The following PRDM16 variants were observed in gnomAD, a reference collection of about 807,000 sequenced individuals.
The protein encoded by PRDM16 is PR/SET domain 16.
A neutral mutation model predicts 110.6 loss-of-function variants in PRDM16; 23 were observed. That is an observed-to-expected ratio of 0.21 (90% CI 0.15 to 0.29). PRDM16 has a LOEUF of 0.29. Among genes scored for constraint, PRDM16 ranks in the 10% least tolerant of loss-of-function variants. The pLI is 1.00. For missense variants in PRDM16, 1,615 were observed against 1,794.3 expected (o/e 0.90, Z 1.81); for synonymous variants, 799 against 781.8 (o/e 1.02, Z -0.37).
intron 5 of PRDM16, among the ~76,000 whole-genome samples, chr1:3,401,753 GCAGA>G (rs1383549896): frequency 1.3e-5 from 2 of 152,188 alleles, no homozygotes; most frequent in African/African-American, 4.8e-5. Context: ...GCACACACAT[GCAGA>G]CAGAAACACG....
At chr1:3,298,030 A>G (rs573826565) in intron 3 of PRDM16, among the ~76,000 whole-genome samples, 1 of 144,508 alleles carries the variant, frequency 6.9e-6, no homozygotes, top group Admixed American at 6.8e-5. Flanking sequence ...CACGTCACCC[A>G]AGGTACACTA....
At chr1:3,198,436 C>T (rs894703247) in intron 2 of PRDM16, among the ~76,000 whole-genome samples, 11 of 152,240 alleles carry the variant, frequency 7.2e-5, no homozygotes, top group African/African-American at 2.4e-4. Flanking sequence ...CACTCAGCTG[C>T]CAGGATGCCG....
At position 3,213,671 on chromosome 1, in the gene PRDM16, A is replaced by C. The variant is rs1638954283; in HGVS notation, c.387+27197A>C. On this transcript the variant is annotated intron_variant, in intron 2 of 16. Coordinates refer to ENST00000270722, the MANE Select transcript of PRDM16 (RefSeq NM_022114.4). The surrounding 1 kb of genome is among the most constrained non-coding windows in gnomAD (Gnocchi z 5.3). ...CTCCAAGCTCCTCCTGTTCTTACCC[A>C]GCATTTCCCCAGGATTCCAGGAGAC... Among the ~76,000 whole-genome samples the C allele has an allele frequency of 6.6e-6, 1 of 152,082 alleles. No individual in the cohort carries two copies. Among genetic ancestry groups the C allele is most frequent in the South Asian group, 2.1e-4 (1 of 4,816 alleles).
intron 1 of PRDM16, among the ~76,000 whole-genome samples, chr1:3,139,406 C>A (rs1643502958): frequency 6.6e-6 from 1 of 152,222 alleles, no homozygotes; most frequent in African/African-American, 2.4e-5. Context: ...TGCCCCTTGG[C>A]CCCAGATTGA....
intron 1 of PRDM16, among the ~76,000 whole-genome samples, chr1:3,123,197 C>G (rs1557464298): frequency 6.6e-6 from 1 of 152,238 alleles, no homozygotes; most frequent in Non-Finnish European, 1.5e-5. Flanking sequence ...AAAGCCAAAC[C>G]CTTGCACAGG....
chr1:3,173,898 G>A (rs1644056878), intron 1 of PRDM16, among the ~76,000 whole-genome samples: 2 of 152,230 alleles, frequency 1.3e-5, no homozygotes, highest in African/African-American at 4.8e-5. Context: ...CCAGGAGCAC[G>A]TTACAGCCAG....
At chr1:3,387,422 C>G (rs1426194806) in intron 4 of PRDM16, among the ~76,000 whole-genome samples, 1 of 152,216 alleles carries the variant, frequency 6.6e-6, no homozygotes, top group Non-Finnish European at 1.5e-5. Flanking sequence ...AAATGCAACA[C>G]CAAAATGGCC....
intron 3 of PRDM16, among the ~76,000 whole-genome samples, chr1:3,344,783 G>A (rs1642331328): frequency 6.6e-6 from 1 of 152,214 alleles, no homozygotes; most frequent in Non-Finnish European, 1.5e-5. Context: ...TTTAGGATTA[G>A]TCTTTGTTCT....
chr1:3,221,129 T>C (rs556721520), intron 2 of PRDM16, among the ~76,000 whole-genome samples: 1 of 152,318 alleles, frequency 6.6e-6, no homozygotes, highest in Admixed American at 6.5e-5. Context: ...GCTTAGGGCC[T>C]TGGGACGTGT....
intron 1 of PRDM16, among the ~76,000 whole-genome samples, chr1:3,093,247 GC>G (rs1642317410): frequency 6.6e-6 from 1 of 152,174 alleles, no homozygotes; most frequent in African/African-American, 2.4e-5. Context: ...GCCCAGGCTA[GC>G]CCGATGTCAG....
chr1:3,412,606 G>A lies in PRDM16; in HGVS notation c.2409G>A (p.Leu803=). The change falls in exon 9 of 17, where the codon CTG becomes CTA. Residue 803 remains leucine, a synonymous_variant. Transcript: ENST00000270722. ...SAPASGEEQP[L]DLSIGSRARA... is the part of the protein sequence containing the mutation. ...CCGCATCCGGCGAGGAGCAGCCGCT[G>A]GACCTGAGCATCGGCAGCCGGGCCC... is the stretch of plus-strand genomic sequence containing the variant. 1.9e-6 allele frequency: 3 copies of A among 1,595,466 alleles called. No individual in the cohort carries two copies. The highest frequency in any genetic ancestry group is 2.6e-6 in the Non-Finnish European group (3 of 1,169,930).
intron 1 of PRDM16, among the ~76,000 whole-genome samples, chr1:3,095,441 G>A (rs1223460113): frequency 1.3e-5 from 2 of 152,176 alleles, no homozygotes; most frequent in African/African-American, 2.4e-5. Context: ...TGGGGTGGGG[G>A]GCACTCCTAA....
At chr1:3,406,835 C>A (rs1450202032) in intron 8 of PRDM16, among the ~76,000 whole-genome samples, 1 of 152,224 alleles carries the variant, frequency 6.6e-6, no homozygotes. Flanking sequence ...CCCTGATTCT[C>A]AGTGAAGTCA....
chr1:3,409,422 G>C (rs556260773), intron 8 of PRDM16, among the ~76,000 whole-genome samples: 1 of 152,214 alleles, frequency 6.6e-6, no homozygotes, highest in African/African-American at 2.4e-5. Flanking sequence ...CCTCAGCCTT[G>C]AAAACGCCCC....
intron 3 of PRDM16, among the ~76,000 whole-genome samples, chr1:3,287,259 G>T (rs370290829): frequency 6.6e-6 from 1 of 151,304 alleles, no homozygotes. Context: ...CATTTACCGG[G>T]GCTGGAGGCG....
intron 3 of PRDM16, among the ~76,000 whole-genome samples, chr1:3,346,890 G>A (rs891021252): frequency 3.9e-5 from 6 of 152,184 alleles, no homozygotes; most frequent in African/African-American, 9.7e-5. Flanking sequence ...ACTGTTCACC[G>A]GTGCTCTGCC....
At position 3,345,233 on chromosome 1, in the gene PRDM16, C is replaced by A. The variant is rs569833940; in HGVS notation, c.439-39919C>A. On this transcript the variant is annotated intron_variant, in intron 3 of 16. Coordinates refer to ENST00000270722, the MANE Select transcript of PRDM16 (RefSeq NM_022114.4). ...TTCAAGGGTTCAGTTCCTCCAGTTC[C>A]CACCTGCTTTTTGTTATTCTCTAGT... is the stretch of plus-strand genomic sequence containing the variant. 5.3e-5 allele frequency among the ~76,000 whole-genome samples: 8 copies of A among 152,298 alleles called. No individual in the cohort carries two copies. In the South Asian group the frequency reaches 1.7e-3, roughly 32 times the overall value.
intron 3 of PRDM16, among the ~76,000 whole-genome samples, chr1:3,279,348 G>A (rs959998867): frequency 1.3e-5 from 2 of 152,196 alleles, no homozygotes; most frequent in Non-Finnish European, 2.9e-5. Flanking sequence ...GATCTGAAAC[G>A]CAGAGAGGAA....
At chr1:3,092,554 C>T (rs910586052) in intron 1 of PRDM16, among the ~76,000 whole-genome samples, 1 of 152,244 alleles carries the variant, frequency 6.6e-6, no homozygotes, top group Non-Finnish European at 1.5e-5. Context: ...ATCCAGCACT[C>T]ACCATTTCTG....
Sources: gnomAD v4.1 joint callset for allele counts (sites outside exome capture counted in the v4.1 genomes callset) on GRCh38, gnomAD v4.1.1 for gene constraint, Gnocchi (gnomAD v3.1) non-coding constraint, MANE v1.5 for transcripts, NCBI Gene and HGNC (gene_info 2026-07-23, HGNC 2026-07-21) for gene names.